The following NTN1 variants were observed in gnomAD, a reference collection of about 807,000 sequenced individuals.
NTN1 encodes netrin 1, also known as netrin-1.
A neutral mutation model predicts 54.2 loss-of-function variants in NTN1; 11 were observed. The ratio of observed to expected loss-of-function variants is 0.20; its 90% CI spans 0.13 to 0.34. The LOEUF (loss-of-function observed/expected upper bound fraction) is 0.34. Ranked by LOEUF, NTN1 falls within the 10% of genes least tolerant of loss-of-function variation. The probability of loss-of-function intolerance (pLI) is 1.00; values close to 1 mark genes in which losing one functional copy is unlikely to be tolerated. For missense variants in NTN1, 740 were observed against 893.1 expected, an observed-to-expected ratio of 0.83 and a Z score of 2.18; for synonymous variants, 371 against 382.0, an observed-to-expected ratio of 0.97 and a Z score of 0.33.
At chr17:9,065,597 G>A (rs1419080159) in intron 2 of NTN1, among the ~76,000 whole-genome samples, 1 of 152,152 alleles carries the variant, frequency 6.6e-6, no homozygotes, top group African/African-American at 2.4e-5. Flanking sequence ...AACTGTGAAC[G>A]CCACCAGGGC....
Position 9,211,902 on chromosome 17 carries a change from T to C in NTN1, c.1412-9266T>C, listed in dbSNP as rs552985518. Among the ~76,000 whole-genome samples, 7 of 152,372 alleles carry C rather than the reference T, an allele frequency of 4.6e-5. No homozygotes were observed. The highest frequency in any genetic ancestry group is 2.1e-4 in the South Asian group (1 of 4,824). ...CTTAGTGATTCAGAAGAGTTCTTTA[T>C]ATGTGAAAGACACCAGTCCTTGGCT... On this transcript the variant is annotated intron_variant, in intron 5 of 6. Transcript: ENST00000173229. This position sits in a 1 kb window ranked among gnomAD's most constrained non-coding sequence, Gnocchi z 4.4.
chr17:9,075,417 G>C (rs1288338272), intron 2 of NTN1, among the ~76,000 whole-genome samples: 1 of 152,194 alleles, frequency 6.6e-6, no homozygotes, highest in African/African-American at 2.4e-5. Flanking sequence ...GGAAGGTGGA[G>C]GTTGTAGTGA....
Position 9,163,508 on chromosome 17 carries a change from A to G in NTN1, c.1207+507A>G, listed in dbSNP as rs1227112756. ...CACACACACACACACACACACACACACACACACACACACGTACAGTCACAG... is the reference window on the plus strand; with the variant it reads ...CACACACACACACACACACACACACGCACACACACACACGTACAGTCACAG... On this transcript the variant is annotated intron_variant, in intron 3 of 6. Transcript: ENST00000173229. Among the ~76,000 whole-genome samples, 65 of 65,206 alleles carry G rather than the reference A, an allele frequency of 1.0e-3. 1 individual carries two copies. Among genetic ancestry groups the G allele is most frequent in the Non-Finnish European group, 1.8e-3 (52 of 28,742 alleles). 42.8% of individuals were successfully genotyped at this position (65,206 alleles called of 152,430 possible). A position where few individuals can be genotyped will look rare whatever the true frequency, so the allele number is the denominator to read the frequency against.
intron 2 of NTN1, among the ~76,000 whole-genome samples, chr17:9,057,990 C>T (rs1048838837): frequency 2.6e-5 from 4 of 152,320 alleles, no homozygotes; most frequent in East Asian, 1.9e-4. Context: ...TGGATTCTAG[C>T]GATTCTCCTG....
At chr17:9,196,937 T>C (rs1364146105) in intron 5 of NTN1, among the ~76,000 whole-genome samples, 1 of 152,214 alleles carries the variant, frequency 6.6e-6, no homozygotes, top group East Asian at 1.9e-4. Flanking sequence ...TGTGCATCTC[T>C]TCCCAATTCT....
At chr17:9,205,622 C>CAG (rs576330715) in intron 5 of NTN1, among the ~76,000 whole-genome samples, 6 of 150,828 alleles carry the variant, frequency 4.0e-5, no homozygotes, top group African/African-American at 1.2e-4. Context: ...GACCCTGTCT[C>CAG]AGAGAGAGAG....
chr17:9,193,121 C>A (rs1371758508), intron 5 of NTN1, among the ~76,000 whole-genome samples: 2 of 151,222 alleles, frequency 1.3e-5, no homozygotes, highest in Non-Finnish European at 2.9e-5. Context: ...GCCGTTTCCT[C>A]AAGTCAGCCA....
chr17:9,217,854 C>CAAAAAAA (rs11354107), intron 5 of NTN1, among the ~76,000 whole-genome samples: 1 of 95,744 alleles, frequency 1.0e-5, no homozygotes, highest in Non-Finnish European at 2.0e-5. Context: ...GGAAAGACAC[C>CAAAAAAA]AAAAAAAAAA....
chr17:9,217,854 C>CAAA (rs11354107), intron 5 of NTN1, among the ~76,000 whole-genome samples: 5 of 95,732 alleles, frequency 5.2e-5, no homozygotes, highest in African/African-American at 8.8e-5. Context: ...GGAAAGACAC[C>CAAA]AAAAAAAAAA....
chr17:9,021,906 C>A (rs1023100162), intron 1 of NTN1, among the ~76,000 whole-genome samples: 3 of 152,122 alleles, frequency 2.0e-5, no homozygotes, highest in Admixed American at 2.0e-4. Flanking sequence ...GGCGGGGACG[C>A]GATCGGGGGG....
chr17:9,072,265 T>C (rs1397220279), intron 2 of NTN1, among the ~76,000 whole-genome samples: 5 of 149,298 alleles, frequency 3.3e-5, no homozygotes, highest in Admixed American at 2.6e-4. Flanking sequence ...TTTTTTTTTT[T>C]CAAGCGGGCA....
chr17:9,092,979 C>T (rs534130926), intron 2 of NTN1, among the ~76,000 whole-genome samples: 9 of 152,068 alleles, frequency 5.9e-5, no homozygotes, highest in African/African-American at 9.7e-5. Context: ...AGGATGGTCT[C>T]GATCTCCTGC....
At chr17:9,167,088 G>C (rs1441411050) in intron 3 of NTN1, among the ~76,000 whole-genome samples, 2 of 152,180 alleles carry the variant, frequency 1.3e-5, no homozygotes, top group East Asian at 3.9e-4. Flanking sequence ...AAACATACCC[G>C]GGGAACAGGC....
the NTN1 span, among the ~76,000 whole-genome samples, chr17:9,005,803 C>T: frequency 9.2e-5 from 14 of 152,160 alleles, no homozygotes; most frequent in Non-Finnish European, 2.9e-5. Context: ...GTGCACCCAG[C>T]CAGATGAGGA....
At chr17:9,037,703 C>T (rs545798760) in intron 2 of NTN1, among the ~76,000 whole-genome samples, 107 of 152,100 alleles carry the variant, frequency 7.0e-4, no homozygotes, top group Non-Finnish European at 6.5e-4. Flanking sequence ...CACCTTAGCC[C>T]GATGGACAAA....
Position 9,223,489 on chromosome 17 carries a change from T to A in NTN1, c.1486+2247T>A, listed in dbSNP as rs150376496. ...ATCCCTTGAATCTGGGAAGCAGAGG[T>A]TGCAGTGAGCTGAGATCACATGACT... On this transcript the variant is annotated intron_variant, in intron 6 of 6. Transcript: ENST00000173229. Among the ~76,000 whole-genome samples, 1,233 of 152,018 alleles carry A rather than the reference T, an allele frequency of 8.1e-3. 17 individuals carry two copies. The highest frequency in any genetic ancestry group is 0.028 in the African/African-American group (1,171 of 41,422).
chr17:9,087,057 T>A (rs909134102), intron 2 of NTN1, among the ~76,000 whole-genome samples: 1 of 152,204 alleles, frequency 6.6e-6, no homozygotes, highest in Admixed American at 6.5e-5. Context: ...AGCCAAGTTG[T>A]TATTCTCACT....
chr17:9,194,505 C>T (rs967583665), intron 5 of NTN1, among the ~76,000 whole-genome samples: 3 of 152,114 alleles, frequency 2.0e-5, no homozygotes, highest in South Asian at 2.1e-4. Context: ...GTGTTTAAAC[C>T]GTGGGATTCT....
At chr17:9,203,553 C>G (rs1169202973) in intron 5 of NTN1, among the ~76,000 whole-genome samples, 2 of 151,980 alleles carry the variant, frequency 1.3e-5, no homozygotes, top group African/African-American at 4.8e-5. Context: ...AATCCCAGCA[C>G]TTTGGGAGGC....
Sources: allele counts gnomAD v4.1 joint callset (sites outside exome capture counted in the v4.1 genomes callset), GRCh38; gene constraint gnomAD v4.1.1; non-coding constraint Gnocchi (gnomAD v3.1); transcripts MANE v1.5; gene names NCBI Gene and HGNC (gene_info 2026-07-23, HGNC 2026-07-21).